Variants in PCNX2 observed in about 807,000 individuals in gnomAD.
The protein encoded by PCNX2 is pecanex 2, also known as pecanex-like protein 2.
In PCNX2, 168 loss-of-function variants were observed where a neutral mutation model predicts 223.8. The observed-to-expected ratio is 0.75, with a 90% confidence interval of 0.66 to 0.85. The LOEUF (loss-of-function observed/expected upper bound fraction) is 0.85, where lower values mean the gene tolerates loss of function less well. Among genes scored for constraint, PCNX2 ranks in the 40% least tolerant of loss-of-function variants. The probability of loss-of-function intolerance (pLI) is 0.00; values close to 1 mark genes in which losing one functional copy is unlikely to be tolerated. For synonymous variants in PCNX2, 1,006 were observed against 1,052.6 expected, an observed-to-expected ratio of 0.96 and a Z score of 0.86; for missense variants, 2,507 against 2,675.5, an observed-to-expected ratio of 0.94 and a Z score of 1.39.
rs115538218 is a variant in PCNX2, at chr1:233,040,118, G to A, written c.4351+14150C>T. 1.8e-3 allele frequency among the ~76,000 whole-genome samples: 270 copies of A among 152,238 alleles called. 2 individuals are homozygous for A. The highest frequency in any genetic ancestry group is 6.2e-3 in the African/African-American group (258 of 41,544). On this transcript the variant is annotated intron_variant, in intron 25 of 33. Transcript: ENST00000258229. ...GTCACCATGCATTTACGGTATCATT[G>A]TTTTTCTCCTGCTTTTCAAAGACTT...
Position 233,126,837 on chromosome 1 carries a change from CTTCT to C in PCNX2, c.3837+8172_3837+8175del, listed in dbSNP as rs1162507623. ...ATCCTTTTCCCAAAAACGTCTTTCT[CTTCT>C]TTATTATTCCCTAATCTAGTTAATG... is the stretch of plus-strand genomic sequence containing the variant. On this transcript the variant is annotated intron_variant, in intron 21 of 33. Coordinates refer to ENST00000258229, the MANE Select transcript of PCNX2 (RefSeq NM_014801.4). This position sits in a 1 kb window ranked among gnomAD's most constrained non-coding sequence, Gnocchi z 4.8. 6.6e-6 allele frequency among the ~76,000 whole-genome samples: 1 copy of C among 152,076 alleles called. No individual in the cohort carries two copies. Among genetic ancestry groups the C allele is most frequent in the East Asian group, 1.9e-4 (1 of 5,200 alleles).
the PCNX2 span, among the ~76,000 whole-genome samples, chr1:233,308,691 T>C: frequency 6.6e-6 from 1 of 152,136 alleles, no homozygotes; most frequent in East Asian, 1.9e-4. Flanking sequence ...AAGAAATCAA[T>C]AGAGAACATC....
At chr1:233,235,957 A>AAAATATATATGTATATATATATAT (rs369886650) in intron 9 of PCNX2, among the ~76,000 whole-genome samples, 11 of 93,110 alleles carry the variant, frequency 1.2e-4, no homozygotes, top group African/African-American at 3.9e-4. Flanking sequence ...CATAAAAAAA[A>AAAATATATATGTATATATATATAT]ATATATATAT....
chr1:233,054,640 T>C, intron 24 of PCNX2, 157 bp from the exon 25 acceptor site: 1 of 623,574 alleles, frequency 1.6e-6, no homozygotes, highest in South Asian at 2.2e-5. Context: ...TAGTGGATTA[T>C]ATGAGACCCT....
chr1:232,998,984 G>A, intron 31 of PCNX2, 121 bp downstream of exon 31: 4 of 1,176,786 alleles, frequency 3.4e-6, no homozygotes, highest in Non-Finnish European at 4.7e-6. Context: ...GGGGGTAGCA[G>A]TTTTAATCAT....
intron 32 of PCNX2, among the ~76,000 whole-genome samples, chr1:232,992,356 G>A (rs924861897): frequency 6.6e-6 from 1 of 152,216 alleles, no homozygotes; most frequent in Admixed American, 6.5e-5. Context: ...AGCTTTGCCT[G>A]CTCGTGGGGC....
chr1:233,268,205 C>A (rs930460164), intron 1 of PCNX2, among the ~76,000 whole-genome samples: 7 of 152,296 alleles, frequency 4.6e-5, no homozygotes, highest in Middle Eastern at 3.4e-3. Flanking sequence ...AGCCACCGCG[C>A]CTGGTTTATG....
rs1416301617 is a variant in PCNX2 at position 232,983,979 on chromosome 1, C to T, written c.*325G>A. On this transcript the variant is annotated 3_prime_UTR_variant, in exon 34 of 34. Coordinates refer to ENST00000258229, the MANE Select transcript of PCNX2 (RefSeq NM_014801.4). ...GCTTTTGAGATTTCAGATTCTGGAA[C>T]ATGTGTGGTGCTGTCCGCGGTGTGC... is the stretch of plus-strand genomic sequence containing the variant. 1 of 217,850 alleles carries T rather than the reference C, an allele frequency of 4.6e-6. No individual in the cohort carries two copies. The highest frequency in any genetic ancestry group is 8.9e-6 in the Non-Finnish European group (1 of 111,936). The allele number at this position is 217,850 out of a possible 1,614,324, so 13.5% of individuals were successfully genotyped here. A position where few individuals can be genotyped will look rare whatever the true frequency, so the allele number is the denominator to read the frequency against.
Position 233,000,434 on chromosome 1 carries a change from C to A in PCNX2, c.5199G>T (p.Pro1733=). The A allele has an allele frequency of 6.2e-7, 1 of 1,600,924 alleles. No homozygotes were observed. The highest frequency in any genetic ancestry group is 8.5e-7 in the Non-Finnish European group (1 of 1,172,162). Residue 1733 remains proline (P), a synonymous_variant, in exon 30 of 34, where the codon CCG becomes CCT. Coordinates refer to ENST00000258229, the MANE Select transcript of PCNX2 (RefSeq NM_014801.4). The surrounding 1 kb of genome is among the most constrained non-coding windows in gnomAD (Gnocchi z 4.6). ...KKVVICHEGD[P]AWRGAVLSNK... is the part of the protein sequence containing the mutation. ...TGGACAGCACTGCGCCCCGCCAGGC[C>A]GGGTCGCCCTCGTGGCAGATGACCA...
intron 17 of PCNX2, among the ~76,000 whole-genome samples, chr1:233,176,714 C>T (rs764986004): frequency 4.6e-5 from 7 of 152,218 alleles, no homozygotes; most frequent in Non-Finnish European, 1.0e-4. Context: ...GCACAACAGC[C>T]ACCATCAAGA....
intron 25 of PCNX2, among the ~76,000 whole-genome samples, chr1:233,039,683 T>C (rs12127708): frequency 1.1e-3 from 163 of 152,232 alleles, no homozygotes; most frequent in Non-Finnish European, 1.9e-3. Flanking sequence ...TCTGCAGTAA[T>C]AAAAAAACCT....
At chr1:233,291,950 C>T (rs1661790498) in intron 1 of PCNX2, 1 of 985,268 alleles carries the variant, frequency 1.0e-6, no homozygotes, top group African/African-American at 1.7e-5. Context: ...GCTCTGAATA[C>T]TCTTTCCAAG....
At position 233,056,743 on chromosome 1, in the gene PCNX2, T is replaced by C. The variant is rs867903151; in HGVS notation, c.4135+489A>G. Among the ~76,000 whole-genome samples, 20 of 152,220 alleles carry C rather than the reference T, an allele frequency of 1.3e-4. No homozygotes were observed. The Middle Eastern group carries it at 0.017, about 129-fold the overall frequency. ...TAATATGAGGAAAGAAGAAATAGAA[T>C]GGTTAAAAAAGGAGATTGATTATGG... On this transcript the variant is annotated intron_variant, in intron 24 of 33. Transcript: ENST00000258229.
chr1:233,305,908 C>G, the PCNX2 span, among the ~76,000 whole-genome samples: 1 of 152,160 alleles, frequency 6.6e-6, no homozygotes, highest in African/African-American at 2.4e-5. Flanking sequence ...GTAAGTTCAC[C>G]TTATCAGCAA....
chr1:233,283,485 T>C (rs985601028), intron 1 of PCNX2, among the ~76,000 whole-genome samples: 1 of 152,136 alleles, frequency 6.6e-6, no homozygotes, highest in African/African-American at 2.4e-5. Flanking sequence ...AATATCTTGT[T>C]GGGTAGAAAG....
intron 1 of PCNX2, chr1:233,291,789 T>G: frequency 1.0e-6 from 1 of 981,712 alleles, no homozygotes; most frequent in South Asian, 4.7e-5. Flanking sequence ...ATGTAATAAG[T>G]GACAATTTAA....
chr1:233,277,246 G>C (rs904183445), intron 1 of PCNX2, among the ~76,000 whole-genome samples: 2 of 152,198 alleles, frequency 1.3e-5, no homozygotes, highest in Admixed American at 6.5e-5. Context: ...TTCAATCCCT[G>C]CTGGGAGGCC....
intron 16 of PCNX2, among the ~76,000 whole-genome samples, chr1:233,178,798 C>T (rs1327231139): frequency 6.6e-6 from 1 of 152,118 alleles, no homozygotes; most frequent in African/African-American, 2.4e-5. Context: ...TGCTATCGAC[C>T]CTCTGTTCCT....
the PCNX2 span, among the ~76,000 whole-genome samples, chr1:233,319,162 G>A: frequency 6.6e-6 from 1 of 152,026 alleles, no homozygotes; most frequent in Admixed American, 6.6e-5. Flanking sequence ...CGATGGCAAG[G>A]ACAACTCTGG....
Sources: gnomAD v4.1 joint callset for allele counts (sites outside exome capture counted in the v4.1 genomes callset) on GRCh38, gnomAD v4.1.1 for gene constraint, Gnocchi (gnomAD v3.1) non-coding constraint, MANE v1.5 for transcripts, NCBI Gene and HGNC (gene_info 2026-07-23, HGNC 2026-07-21) for gene names.